The following B3GALT1 variants were observed in gnomAD, a reference collection of about 807,000 sequenced individuals.
The protein encoded by B3GALT1 is beta-1,3-galactosyltransferase 1.
Under a neutral mutation model 23.2 loss-of-function variants are expected in B3GALT1, and 10 were observed. That is an observed-to-expected ratio of 0.43 (90% CI 0.27 to 0.73). The LOEUF is 0.73. Among genes scored for constraint, B3GALT1 ranks in the 30% least tolerant of loss-of-function variants. The pLI is 0.21. For missense variants in B3GALT1, 299 were observed against 405.4 expected, an observed-to-expected ratio of 0.74 and a Z score of 2.25; for synonymous variants, 156 against 141.5, an observed-to-expected ratio of 1.10 and a Z score of -0.73.
At chr2:167,494,901 C>T (rs1377657370) in intron 2 of B3GALT1, among the ~76,000 whole-genome samples, 1 of 152,016 alleles carries the variant, frequency 6.6e-6, no homozygotes, top group Admixed American at 6.6e-5. Context: ...GACTTGGGGC[C>T]CTGGTATCTG....
chr2:167,468,416 AACTT>A (rs1338335450), intron 1 of B3GALT1, among the ~76,000 whole-genome samples: 1 of 152,210 alleles, frequency 6.6e-6, no homozygotes, highest in African/African-American at 2.4e-5. Context: ...AAAGCAATAT[AACTT>A]ACCACATTTA....
intron 1 of B3GALT1, among the ~76,000 whole-genome samples, chr2:167,302,242 T>G (rs1696460111): frequency 3.3e-5 from 5 of 152,218 alleles, no homozygotes. Flanking sequence ...TATTAACATT[T>G]GTTATTTTTG....
intron 1 of B3GALT1, among the ~76,000 whole-genome samples, chr2:167,467,721 A>G (rs896784529): frequency 1.4e-4 from 22 of 152,236 alleles, no homozygotes; most frequent in African/African-American, 5.1e-4. Context: ...GAAAAAATCA[A>G]TCAATCAAGC....
rs1481621483 is a variant in B3GALT1, at chr2:167,657,180, A to G, written c.-352+10214A>G. 2.0e-5 allele frequency among the ~76,000 whole-genome samples: 3 copies of G among 152,154 alleles called. No homozygotes were observed. In the East Asian group the frequency reaches 5.8e-4, roughly 29 times the overall value. On this transcript the variant is annotated intron_variant, in intron 3 of 4. Coordinates refer to ENST00000392690, the MANE Select transcript of B3GALT1 (RefSeq NM_020981.4). ...GGTTCCTTCAAGATACCCAGGGGAT[A>G]TTCAAATGGAGATGTCTGGTGGACA...
intron 3 of B3GALT1, among the ~76,000 whole-genome samples, chr2:167,776,334 A>G (rs1456286456): frequency 2.0e-5 from 3 of 152,348 alleles, no homozygotes; most frequent in African/African-American, 7.2e-5. Context: ...CATGTTGTAG[A>G]GGAAAAACCG....
chr2:167,803,244 A>G (rs1168086345), intron 3 of B3GALT1, among the ~76,000 whole-genome samples: 1 of 152,212 alleles, frequency 6.6e-6, no homozygotes, highest in African/African-American at 2.4e-5. Context: ...CAAGATGGCT[A>G]AATGGGTCAT....
chr2:167,688,224 G>A (rs555332102), intron 3 of B3GALT1, among the ~76,000 whole-genome samples: 141 of 151,990 alleles, frequency 9.3e-4, no homozygotes, highest in African/African-American at 3.0e-3. Flanking sequence ...ATGAAAAAGA[G>A]GACATAATAA....
At chr2:167,312,912 A>T (rs528244615) in intron 1 of B3GALT1, among the ~76,000 whole-genome samples, 63 of 152,222 alleles carry the variant, frequency 4.1e-4, no homozygotes, top group African/African-American at 1.5e-3. Context: ...ATAAGATTCA[A>T]TTCACAAAAT....
At chr2:167,796,812 T>C (rs2105335724) in intron 3 of B3GALT1, among the ~76,000 whole-genome samples, 1 of 152,224 alleles carries the variant, frequency 6.6e-6, no homozygotes, top group South Asian at 2.1e-4. Context: ...TAATCAAATA[T>C]TTTATCTTTT....
intron 1 of B3GALT1, among the ~76,000 whole-genome samples, chr2:167,414,605 AT>A: frequency 6.6e-6 from 1 of 152,300 alleles, no homozygotes; most frequent in South Asian, 2.1e-4. Flanking sequence ...CAGAAAAGCC[AT>A]TTATAGGAAC....
intron 3 of B3GALT1, among the ~76,000 whole-genome samples, chr2:167,781,211 T>C (rs531505581): frequency 6.6e-6 from 1 of 152,328 alleles, no homozygotes; most frequent in Admixed American, 6.5e-5. Context: ...ATTTTTAGTA[T>C]TTTTTAATAC....
chr2:167,566,212 G>A (rs1351167971), intron 2 of B3GALT1, among the ~76,000 whole-genome samples: 2 of 152,128 alleles, frequency 1.3e-5, no homozygotes, highest in African/African-American at 4.8e-5. Flanking sequence ...GAACATGGAT[G>A]AAATTGAAAA....
At chr2:167,862,600 A>T (rs1690123623) in intron 4 of B3GALT1, 1 of 152,194 alleles carries the variant, frequency 6.6e-6, no homozygotes, top group African/African-American at 2.4e-5. Flanking sequence ...CAGTGAAGTT[A>T]ACACATGAAA....
intron 3 of B3GALT1, among the ~76,000 whole-genome samples, chr2:167,777,237 T>C (rs1363391532): frequency 1.3e-5 from 2 of 152,218 alleles, no homozygotes; most frequent in Admixed American, 1.3e-4. Context: ...ATATATTTAA[T>C]ATGAAAATGA....
At chr2:167,744,883 C>T (rs966886772) in intron 3 of B3GALT1, among the ~76,000 whole-genome samples, 1 of 152,172 alleles carries the variant, frequency 6.6e-6, no homozygotes, top group Non-Finnish European at 1.5e-5. Flanking sequence ...CCACCACACC[C>T]GGCCAGACAT....
At chr2:167,867,324 GCTTTGGTGCAC>G (rs2105441764) in intron 4 of B3GALT1, among the ~76,000 whole-genome samples, 1 of 152,096 alleles carries the variant, frequency 6.6e-6, no homozygotes, top group Non-Finnish European at 1.5e-5. Flanking sequence ...CTTTTTATCA[GCTTTGGTGCAC>G]CTTAGAACAG....
intron 3 of B3GALT1, among the ~76,000 whole-genome samples, chr2:167,812,472 T>C (rs1377556339): frequency 6.6e-6 from 1 of 152,196 alleles, no homozygotes; most frequent in Non-Finnish European, 1.5e-5. Context: ...CTACCAAAAT[T>C]CTTTGTGAAA....
Position 167,393,892 on chromosome 2 carries a change from C to T in B3GALT1, c.-510-96285C>T, listed in dbSNP as rs151001077. 1.2e-4 allele frequency among the ~76,000 whole-genome samples: 18 copies of T among 152,270 alleles called. No individual in the cohort carries two copies. In the East Asian group the frequency reaches 3.5e-3, roughly 29 times the overall value. On this transcript the variant is annotated intron_variant, in intron 1 of 4. Transcript: ENST00000392690. ...GTGGACATGGAGCAAGCAATATTGT[C>T]TTTCATCATTATATTTAAATATAAC...
chr2:167,320,530 A>C (rs142928336), intron 1 of B3GALT1, among the ~76,000 whole-genome samples: 132 of 152,072 alleles, frequency 8.7e-4, no homozygotes, highest in African/African-American at 3.1e-3. Flanking sequence ...GTCTAAATCT[A>C]GGCTTCTAGA....
Sources: gnomAD v4.1 joint callset for allele counts (sites outside exome capture counted in the v4.1 genomes callset) on GRCh38, gnomAD v4.1.1 for gene constraint, MANE v1.5 for transcripts, NCBI Gene and HGNC (gene_info 2026-07-23, HGNC 2026-07-21) for gene names.